CSGALNACT1: variants seen among roughly 807,000 people sequenced by gnomAD.
CSGALNACT1 encodes the protein chondroitin sulfate N-acetylgalactosaminyltransferase 1.
In CSGALNACT1, 52 loss-of-function variants were observed where a neutral mutation model predicts 51.0. The ratio of observed to expected loss-of-function variants is 1.02; its 90% CI spans 0.82 to 1.29. CSGALNACT1 has a LOEUF of 1.29. CSGALNACT1 is among the 50% of genes most tolerant of loss of function. The probability of loss-of-function intolerance (pLI) is 0.00; values close to 1 mark genes in which losing one functional copy is unlikely to be tolerated. For synonymous variants in CSGALNACT1, 341 were observed against 254.4 expected, an observed-to-expected ratio of 1.34 and a Z score of -3.24; for missense variants, 935 against 679.2, an observed-to-expected ratio of 1.38 and a Z score of -4.19.
intron 1 of CSGALNACT1, among the ~76,000 whole-genome samples, chr8:19,667,000 A>AAGGAAGG (rs1564385828): frequency 7.1e-4 from 15 of 21,036 alleles, no homozygotes; most frequent in African/African-American, 2.7e-3. Flanking sequence ...AGAAAGAAAG[A>AAGGAAGG]AAGAAAGAAA....
chr8:19,513,430 C>CTATATATATATA (rs1457528458), intron 3 of CSGALNACT1, among the ~76,000 whole-genome samples: 15 of 78,720 alleles, frequency 1.9e-4, no homozygotes, highest in Non-Finnish European at 2.4e-4. Flanking sequence ...CTCTCTCTCT[C>CTATATATATATA]TCTCTCTATA....
chr8:19,512,480 T>G (rs1404146475), intron 3 of CSGALNACT1, among the ~76,000 whole-genome samples: 1 of 152,216 alleles, frequency 6.6e-6, no homozygotes, highest in Non-Finnish European at 1.5e-5. Flanking sequence ...TTCCAACAGA[T>G]AGATAACTAA....
chr8:19,550,993 G>A (rs1267433517), intron 3 of CSGALNACT1, among the ~76,000 whole-genome samples: 1 of 152,170 alleles, frequency 6.6e-6, no homozygotes, highest in Non-Finnish European at 1.5e-5. Context: ...TCCTTATTCT[G>A]ACTTCCCAGC....
intron 1 of CSGALNACT1, among the ~76,000 whole-genome samples, chr8:19,719,959 T>C (rs184416055): frequency 6.6e-6 from 1 of 152,356 alleles, no homozygotes; most frequent in African/African-American, 2.4e-5. Context: ...CTATCATTTT[T>C]CTAATAATAG....
intron 9 of CSGALNACT1, among the ~76,000 whole-genome samples, chr8:19,406,756 C>T (rs753555530): frequency 5.9e-5 from 9 of 151,840 alleles, no homozygotes; most frequent in South Asian, 4.2e-4. Context: ...AGAGAAGAAA[C>T]GAGGGGCTTG....
intron 3 of CSGALNACT1, among the ~76,000 whole-genome samples, chr8:19,539,697 G>A (rs1326657598): frequency 2.0e-5 from 3 of 152,176 alleles, no homozygotes; most frequent in Non-Finnish European, 2.9e-5. Flanking sequence ...AGTGATATGT[G>A]ACACAGCAAT....
intron 7 of CSGALNACT1, among the ~76,000 whole-genome samples, chr8:19,419,088 C>A (rs567791139): frequency 2.0e-5 from 3 of 152,212 alleles, no homozygotes; most frequent in Admixed American, 1.3e-4. Flanking sequence ...TCAAATGATC[C>A]ACCCGCCTCG....
chr8:19,427,419 A>C (rs1299797467), intron 6 of CSGALNACT1, among the ~76,000 whole-genome samples: 1 of 152,220 alleles, frequency 6.6e-6, no homozygotes, highest in Admixed American at 6.5e-5. Flanking sequence ...CACCAAACAA[A>C]TTTGCCGATG....
At chr8:19,589,344 G>C (rs949122681) in intron 3 of CSGALNACT1, among the ~76,000 whole-genome samples, 6 of 152,088 alleles carry the variant, frequency 3.9e-5, no homozygotes, top group African/African-American at 1.4e-4. Context: ...GTTTGTTTTT[G>C]AGATGGAGTC....
chr8:19,419,070 T>G (rs548396121), intron 7 of CSGALNACT1, among the ~76,000 whole-genome samples: 2 of 152,224 alleles, frequency 1.3e-5, no homozygotes, highest in African/African-American at 4.8e-5. Context: ...GGTCTCAAAC[T>G]CCTGATCTCA....
intron 5 of CSGALNACT1, among the ~76,000 whole-genome samples, chr8:19,440,567 T>C (rs2153750803): frequency 6.6e-6 from 1 of 152,268 alleles, no homozygotes; most frequent in Non-Finnish European, 1.5e-5. Flanking sequence ...GGGACGTATT[T>C]CAAAATAATA....
At chr8:19,405,799 G>A (rs767401250) in exon 10 of CSGALNACT1, 2 of 1,614,066 alleles carry the variant, frequency 1.2e-6, no homozygotes, top group East Asian at 2.2e-5. Flanking sequence ...TTTGCTACTT[G>A]TCTTCTGTTT....
chr8:19,614,123 T>C (rs527272573), intron 1 of CSGALNACT1, among the ~76,000 whole-genome samples: 1 of 152,226 alleles, frequency 6.6e-6, no homozygotes, highest in Non-Finnish European at 1.5e-5. Flanking sequence ...ATTTGTGTAA[T>C]ACTCTTAATG....
intron 6 of CSGALNACT1, among the ~76,000 whole-genome samples, chr8:19,427,030 A>C (rs2058873666): frequency 6.6e-6 from 1 of 152,224 alleles, no homozygotes; most frequent in African/African-American, 2.4e-5. Flanking sequence ...TACTTCTTGA[A>C]GATATTGGAA....
chr8:19,489,625 G>A (rs1236793443), intron 4 of CSGALNACT1, among the ~76,000 whole-genome samples: 9 of 152,150 alleles, frequency 5.9e-5, no homozygotes, highest in Admixed American at 4.6e-4. Flanking sequence ...TAAGTCTAGG[G>A]GGAGACCCTG....
At chr8:19,413,074 C>T (rs763248636) in intron 8 of CSGALNACT1, among the ~76,000 whole-genome samples, 1 of 152,188 alleles carries the variant, frequency 6.6e-6, no homozygotes, top group Non-Finnish European at 1.5e-5. Context: ...CATTTAAGAA[C>T]ACAGTCAAAG....
chr8:19,581,093 C>G (rs144992710), intron 3 of CSGALNACT1, among the ~76,000 whole-genome samples: 7 of 152,296 alleles, frequency 4.6e-5, no homozygotes, highest in African/African-American at 1.7e-4. Context: ...ACACAGATAG[C>G]TACAAGGAGT....
intron 1 of CSGALNACT1, among the ~76,000 whole-genome samples, chr8:19,608,981 T>G (rs2051796870): frequency 6.6e-6 from 1 of 152,156 alleles, no homozygotes; most frequent in Admixed American, 6.5e-5. Flanking sequence ...ATGTATTACT[T>G]TTTCTGTATC....
chr8:19,539,314 C>G (rs891693856), intron 3 of CSGALNACT1, among the ~76,000 whole-genome samples: 1 of 152,044 alleles, frequency 6.6e-6, no homozygotes, highest in South Asian at 2.1e-4. Flanking sequence ...CAAGTGTGTA[C>G]CTTTTGACCT....
Sources: allele counts gnomAD v4.1 joint callset (sites outside exome capture counted in the v4.1 genomes callset), GRCh38; gene constraint gnomAD v4.1.1; transcripts MANE v1.5; gene names NCBI Gene and HGNC (gene_info 2026-07-23, HGNC 2026-07-21).